Variants in WWOX observed in about 807,000 individuals in gnomAD.
The protein encoded by WWOX is WW domain-containing oxidoreductase.
Under a neutral mutation model 46.2 loss-of-function variants are expected in WWOX, and 69 were observed. That is an observed-to-expected ratio of 1.49 (90% CI 1.23 to 1.82). The LOEUF (loss-of-function observed/expected upper bound fraction) is 1.82. Among genes scored for constraint, WWOX ranks in the 40% most tolerant of loss-of-function variants. WWOX has a pLI of 0.00. For missense variants in WWOX, 919 were observed against 542.6 expected (o/e 1.69, Z -6.89); for synonymous variants, 359 against 202.6 (o/e 1.77, Z -6.56).
intron 8 of WWOX, among the ~76,000 whole-genome samples, chr16:78,750,261 C>G (rs2049444401): frequency 6.6e-6 from 1 of 152,154 alleles, no homozygotes; most frequent in South Asian, 2.1e-4. Context: ...AACTCCTATT[C>G]AGAGGCTCAG....
In WWOX at chr16:78,346,480, C is replaced by G. The variant is rs1285332092; in HGVS notation, c.517-40380C>G. ...TAACTTTTTAAGAGGTTGGCAAATA[C>G]TTCCCTAAAGTGGTCATCCCATTTT... On this transcript the variant is annotated intron_variant, in intron 5 of 8. Coordinates refer to ENST00000566780, the MANE Select transcript of WWOX (RefSeq NM_016373.4). 4.2e-5 allele frequency among the ~76,000 whole-genome samples: 5 copies of G among 120,182 alleles called. 2 individuals are homozygous for G. The highest frequency in any genetic ancestry group is 9.9e-5 in the Non-Finnish European group (5 of 50,324). The allele number at this position is 120,182 out of a possible 152,430, so 78.8% of individuals were successfully genotyped here.
chr16:78,170,213 C>T (rs749341324), intron 5 of WWOX, among the ~76,000 whole-genome samples: 3 of 152,166 alleles, frequency 2.0e-5, no homozygotes, highest in Non-Finnish European at 2.9e-5. Flanking sequence ...ATAAAACATG[C>T]TGTATTATAG....
At chr16:78,358,114 T>C (rs12930065) in intron 5 of WWOX, among the ~76,000 whole-genome samples, 112,494 of 152,084 alleles carry the variant, frequency 0.74, 43,049 homozygotes, top group African/African-American at 0.84. Flanking sequence ...CATCATGCAC[T>C]AGGTAAAATG....
intron 7 of WWOX, among the ~76,000 whole-genome samples, chr16:78,427,454 T>A (rs2083109680): frequency 6.6e-6 from 1 of 152,090 alleles, no homozygotes; most frequent in Non-Finnish European, 1.5e-5. Flanking sequence ...AGAGTGCTGG[T>A]TGAACAACCC....
chr16:78,321,232 CA>C (rs2080460136), intron 5 of WWOX, among the ~76,000 whole-genome samples: 1 of 150,750 alleles, frequency 6.6e-6, no homozygotes, highest in South Asian at 2.1e-4. Flanking sequence ...CCTTGCTCCA[CA>C]ATTCTCTTTT....
At chr16:78,870,500 A>G (rs1461941921) in intron 8 of WWOX, among the ~76,000 whole-genome samples, 1 of 151,494 alleles carries the variant, frequency 6.6e-6, no homozygotes, top group Non-Finnish European at 1.5e-5. Context: ...TTTCTGTGTC[A>G]GATTAAAAAA....
chr16:78,892,097 C>T (rs919604624), intron 8 of WWOX: 3 of 152,056 alleles, frequency 2.0e-5, no homozygotes, highest in South Asian at 4.1e-4. Context: ...TTCTGTTTCT[C>T]GCTAAACATT....
chr16:78,633,024 A>C (rs1054503918), intron 8 of WWOX, among the ~76,000 whole-genome samples: 3 of 152,090 alleles, frequency 2.0e-5, no homozygotes, highest in Non-Finnish European at 2.9e-5. Flanking sequence ...GCACTTTGGG[A>C]CACTGAGGTG....
At chr16:79,081,203 G>T (rs530952074) in intron 8 of WWOX, among the ~76,000 whole-genome samples, 21 of 152,306 alleles carry the variant, frequency 1.4e-4, no homozygotes, top group African/African-American at 5.1e-4. Context: ...TTGATCTGTT[G>T]CCCAGGCTCG....
At chr16:78,640,435 G>A (rs999822109) in intron 8 of WWOX, among the ~76,000 whole-genome samples, 15 of 152,078 alleles carry the variant, frequency 9.9e-5, no homozygotes, top group African/African-American at 3.6e-4. Flanking sequence ...ATAGGCTCAC[G>A]TCTCCACATT....
chr16:78,286,078 C>G (rs1463843663), intron 5 of WWOX, among the ~76,000 whole-genome samples: 2 of 152,152 alleles, frequency 1.3e-5, no homozygotes, highest in African/African-American at 4.8e-5. Context: ...TGGTATTAAT[C>G]CTTATTCATT....
At chr16:79,194,992 G>A (rs1427753647) in intron 8 of WWOX, among the ~76,000 whole-genome samples, 1 of 152,134 alleles carries the variant, frequency 6.6e-6, no homozygotes, top group African/African-American at 2.4e-5. Flanking sequence ...TACCGCCACT[G>A]CTGTCTTCTG....
chr16:79,002,933 C>T (rs1465655909), intron 8 of WWOX, among the ~76,000 whole-genome samples: 1 of 152,116 alleles, frequency 6.6e-6, no homozygotes, highest in African/African-American at 2.4e-5. Context: ...CATTAGAGCT[C>T]AAAAATCTAT....
chr16:79,026,867 G>GA, intron 8 of WWOX, among the ~76,000 whole-genome samples: 1 of 147,872 alleles, frequency 6.8e-6, no homozygotes, highest in Non-Finnish European at 1.5e-5. Context: ...CTGACCTTGT[G>GA]ATCTGCCCAC....
chr16:78,480,381 C>G (rs1312272379), intron 8 of WWOX, among the ~76,000 whole-genome samples: 6 of 152,234 alleles, frequency 3.9e-5, no homozygotes, highest in Non-Finnish European at 8.8e-5. Flanking sequence ...ATCCATTAAA[C>G]TCTTTCATTT....
chr16:78,165,681 T>C (rs1465390072), intron 5 of WWOX, among the ~76,000 whole-genome samples: 1 of 152,210 alleles, frequency 6.6e-6, no homozygotes, highest in African/African-American at 2.4e-5. Flanking sequence ...GTGAAAGATT[T>C]CTTGCCATTT....
rs372192867 is a variant in WWOX at position 78,981,335 on chromosome 16, A to G, written c.1057-230273A>G. Among the ~76,000 whole-genome samples the G allele has an allele frequency of 2.6e-5, 4 of 152,146 alleles. No homozygotes were observed. The East Asian group carries it at 5.8e-4, about 22-fold the overall frequency. ...CCAAAAATGCTGGGTGGGGGGGGAA[A>G]ACGCCAGCAGATCTCTTTAGGGCAG... On this transcript the variant is annotated intron_variant, in intron 8 of 8. Coordinates refer to ENST00000566780, the MANE Select transcript of WWOX (RefSeq NM_016373.4).
chr16:78,802,303 C>G (rs554907408), intron 8 of WWOX, among the ~76,000 whole-genome samples: 4 of 148,692 alleles, frequency 2.7e-5, no homozygotes, highest in African/African-American at 7.4e-5. Flanking sequence ...TTTCATTTTC[C>G]CAGCAATGCT....
chr16:78,433,004 G>A (rs2083260455), intron 8 of WWOX, among the ~76,000 whole-genome samples: 2 of 142,716 alleles, frequency 1.4e-5, no homozygotes, highest in Non-Finnish European at 3.0e-5. Flanking sequence ...AAGTCCTTAT[G>A]GAAATGGTGA....
Sources: allele counts gnomAD v4.1 joint callset (sites outside exome capture counted in the v4.1 genomes callset), GRCh38; gene constraint gnomAD v4.1.1; transcripts MANE v1.5; gene names NCBI Gene and HGNC (gene_info 2026-07-23, HGNC 2026-07-21).